The following MYRIP variants were observed in gnomAD, a reference collection of about 807,000 sequenced individuals.
MYRIP encodes myosin VIIA and Rab interacting protein.
A neutral mutation model predicts 98.0 loss-of-function variants in MYRIP; 49 were observed. That is an observed-to-expected ratio of 0.50 (90% CI 0.40 to 0.63). MYRIP has a LOEUF of 0.63. Ranked by LOEUF, MYRIP falls within the 30% of genes least tolerant of loss-of-function variation. MYRIP has a pLI of 0.00. For synonymous variants in MYRIP, 404 were observed against 409.5 expected (o/e 0.99, Z 0.16); for missense variants, 1,004 against 1,058.2 (o/e 0.95, Z 0.71).
intron 1 of MYRIP, among the ~76,000 whole-genome samples, chr3:39,857,959 GC>G (rs1245799065): frequency 1.3e-5 from 2 of 152,250 alleles, no homozygotes; most frequent in African/African-American, 2.4e-5. Flanking sequence ...AAGGCATGCA[GC>G]AAAAGAGAAA....
chr3:40,124,974 C>A (rs1437994465), intron 3 of MYRIP, among the ~76,000 whole-genome samples: 1 of 152,180 alleles, frequency 6.6e-6, no homozygotes, highest in African/African-American at 2.4e-5. Flanking sequence ...GGTCACATAT[C>A]CTCAGGCAGG....
At chr3:40,218,607 ATATTT>A (rs1270405973) in intron 11 of MYRIP, among the ~76,000 whole-genome samples, 39 of 3,312 alleles carry the variant, frequency 0.012, 1 homozygote, top group Middle Eastern at 0.33. Context: ...ACATATATAT[ATATTT>A]TATATATATA....
intron 1 of MYRIP, among the ~76,000 whole-genome samples, chr3:39,873,405 T>G (rs1215226701): frequency 6.6e-6 from 1 of 152,200 alleles, no homozygotes; most frequent in Non-Finnish European, 1.5e-5. Context: ...AGACATGAAG[T>G]CCTTGCCCAT....
intron 3 of MYRIP, among the ~76,000 whole-genome samples, chr3:40,116,786 G>T (rs1172397489): frequency 6.6e-6 from 1 of 152,206 alleles, no homozygotes; most frequent in Admixed American, 6.5e-5. Flanking sequence ...ACGGTTTGGG[G>T]TGTATCCCAA....
At chr3:39,829,690 CT>C (rs889357832) in intron 1 of MYRIP, among the ~76,000 whole-genome samples, 4 of 151,868 alleles carry the variant, frequency 2.6e-5, no homozygotes, top group African/African-American at 9.7e-5. Context: ...GGACACTGTA[CT>C]TTTTTTTATA....
intron 1 of MYRIP, among the ~76,000 whole-genome samples, chr3:39,899,866 G>A (rs773196183): frequency 1.3e-5 from 2 of 152,124 alleles, no homozygotes; most frequent in African/African-American, 2.4e-5. Context: ...TGTCACCCAG[G>A]CTGGAGTGCA....
chr3:39,894,170 G>A (rs1382144788), intron 1 of MYRIP, among the ~76,000 whole-genome samples: 2 of 152,004 alleles, frequency 1.3e-5, no homozygotes, highest in African/African-American at 4.8e-5. Context: ...TTCTTATTGA[G>A]CCATGACATG....
At chr3:39,948,978 C>G (rs1045979150) in intron 2 of MYRIP, among the ~76,000 whole-genome samples, 6 of 152,102 alleles carry the variant, frequency 3.9e-5, no homozygotes, top group Non-Finnish European at 8.8e-5. Context: ...GCAATAATAC[C>G]TTACATGTGC....
intron 3 of MYRIP, among the ~76,000 whole-genome samples, chr3:40,065,761 C>T (rs1948114357): frequency 6.6e-6 from 1 of 152,118 alleles, no homozygotes; most frequent in Non-Finnish European, 1.5e-5. Flanking sequence ...CTGTTGTCCC[C>T]CATCTCAATG....
intron 3 of MYRIP, among the ~76,000 whole-genome samples, chr3:40,125,920 C>G (rs1237818344): frequency 1.3e-5 from 2 of 152,160 alleles, no homozygotes; most frequent in Non-Finnish European, 2.9e-5. Flanking sequence ...GTGACATACT[C>G]AGGGGTCCCA....
chr3:40,091,027 T>C (rs926895767), intron 3 of MYRIP, among the ~76,000 whole-genome samples: 10 of 152,176 alleles, frequency 6.6e-5, no homozygotes, highest in African/African-American at 2.4e-4. Flanking sequence ...GCACCTACCA[T>C]AGGAAGACAG....
Position 40,250,262 on chromosome 3 carries a change from C to A in MYRIP, c.2303C>A (p.Ala768Glu). Residue 768 changes from alanine (A) to glutamate (E), a missense_variant, in exon 14 of 17, where the codon GCA becomes GAA. Ala to Glu is a moderately radical substitution (Grantham distance 107). Around this residue, in one of 3 missense-constraint regions of MYRIP, gnomAD observed 108 missense variants for 111.1 expected, o/e 0.97. Transcript: ENST00000302541. The part of the protein sequence containing the change: ...IESRISALTI[A>E]GLNIAPCVRF... The stretch of plus-strand genomic sequence containing the variant: ...AGCCGGATTTCAGCCCTGACCATTG[C>A]AGGATTAAACATAGCACCATGTGTG... The A allele has an allele frequency of 6.2e-7, 1 of 1,614,088 alleles. No homozygotes were observed.
In MYRIP at chr3:40,209,923, A is replaced by G. The variant is rs1014544322; in HGVS notation, c.1735A>G (p.Thr579Ala). 2.5e-6 allele frequency: 4 copies of G among 1,614,066 alleles called. No individual in the cohort carries two copies. Among genetic ancestry groups the G allele is most frequent in the Non-Finnish European group, 2.5e-6 (3 of 1,179,928 alleles). The change falls in exon 11 of 17, where the codon ACA (threonine) becomes GCA (alanine). Residue 579 changes from threonine to alanine, a missense_variant. By Grantham distance (58) the Thr-to-Ala change is moderately conservative. Coordinates refer to ENST00000302541, the MANE Select transcript of MYRIP (RefSeq NM_015460.4). ...GGATCCCCAGACTCTCACAGACACC[A>G]CAGAGGAGAAACGGAGAAACAGGCT... ...ARDPQTLTDT[T>A]EEKRRNRLYE...
rs1953717086 is a variant in MYRIP, at chr3:40,260,057, T to TTTAA, written c.*1894_*1897dup. 5 of 152,684 alleles carry TTTAA rather than the reference T, an allele frequency of 3.3e-5. No individual in the cohort carries two copies. The highest frequency in any genetic ancestry group is 2.0e-4 in the Admixed American group (3 of 15,292). The allele number at this position is 152,684 out of a possible 1,614,324, so 9.5% of individuals were successfully genotyped here. On this transcript the variant is annotated 3_prime_UTR_variant, in exon 17 of 17. Coordinates refer to ENST00000302541, the MANE Select transcript of MYRIP (RefSeq NM_015460.4). ...TCCTTGTGCCAAATAAGTGCAAAGA[T>TTTAA]TTAATTTACTATTAAAAACCATAAG... is the stretch of plus-strand genomic sequence containing the variant.
At chr3:40,043,958 G>A (rs1041201773) in intron 2 of MYRIP, 92 bp from the exon 3 acceptor site, 2 of 1,210,308 alleles carry the variant, frequency 1.7e-6, no homozygotes, top group Non-Finnish European at 1.2e-6. Context: ...CTTGGCCTAA[G>A]GGAGGGACAG....
At chr3:39,920,011 T>C (rs1424252341) in intron 2 of MYRIP, among the ~76,000 whole-genome samples, 4 of 152,176 alleles carry the variant, frequency 2.6e-5, no homozygotes, top group African/African-American at 9.6e-5. Context: ...ACAAGGAAGA[T>C]GATGGGGCAT....
intron 3 of MYRIP, among the ~76,000 whole-genome samples, chr3:40,128,316 G>A (rs1364244736): frequency 6.6e-6 from 1 of 152,210 alleles, no homozygotes; most frequent in African/African-American, 2.4e-5. Context: ...CAGTCCAGTG[G>A]TGGCAGACTA....
At chr3:39,891,756 T>C (rs1943493488) in intron 1 of MYRIP, among the ~76,000 whole-genome samples, 1 of 152,196 alleles carries the variant, frequency 6.6e-6, no homozygotes, top group South Asian at 2.1e-4. Context: ...AAATGTGTTA[T>C]GCCATCAATA....
intron 12 of MYRIP, among the ~76,000 whole-genome samples, chr3:40,235,069 T>G (rs1355114781): frequency 6.6e-6 from 1 of 152,030 alleles, no homozygotes; most frequent in Admixed American, 6.6e-5. Flanking sequence ...AGCCTCCTTG[T>G]GCCATTAGCA....
Sources: gnomAD v4.1 joint callset for allele counts (sites outside exome capture counted in the v4.1 genomes callset) on GRCh38, gnomAD v4.1.1 for gene constraint, gnomAD v4.1.1 regional missense constraint, MANE v1.5 for transcripts, NCBI Gene and HGNC (gene_info 2026-07-23, HGNC 2026-07-21) for gene names.